The following PRDM2 variants were observed in gnomAD, a reference collection of about 807,000 sequenced individuals.
PRDM2 encodes the protein PR domain zinc finger protein 2.
PRDM2 carries 30 observed loss-of-function variants against 130.0 expected under a neutral mutation model. That is an observed-to-expected ratio of 0.23 (90% CI 0.17 to 0.31). PRDM2 has a LOEUF of 0.31. PRDM2 is among the 10% of genes least tolerant of loss of function. The pLI is 1.00. For synonymous variants in PRDM2, 871 were observed against 782.4 expected, an observed-to-expected ratio of 1.11 and a Z score of -1.89; for missense variants, 2,011 against 2,108.4, an observed-to-expected ratio of 0.95 and a Z score of 0.90.
chr1:13,787,062 T>C, intron 8 of PRDM2: 1 of 985,500 alleles, frequency 1.0e-6, no homozygotes, highest in Non-Finnish European at 1.2e-6. Context: ...TTTTTTTTGT[T>C]GTTTTCGTTT....
At chr1:13,749,309 C>T in intron 5 of PRDM2, 52 bp from the exon 6 acceptor site, 1 of 1,348,612 alleles carries the variant, frequency 7.4e-7, no homozygotes, top group Non-Finnish European at 9.8e-7. Context: ...CCCGCCCCCG[C>T]CAACAACCGC....
chr1:13,786,414 A>T, intron 8 of PRDM2: 4 of 1,493,042 alleles, frequency 2.7e-6, no homozygotes, highest in Non-Finnish European at 3.7e-6. Context: ...TGTCGTCTTA[A>T]TAACATTTGT....
At chr1:13,706,003 AAATG>A (rs1478337135) in intron 1 of PRDM2, among the ~76,000 whole-genome samples, 1 of 151,644 alleles carries the variant, frequency 6.6e-6, no homozygotes, top group Non-Finnish European at 1.5e-5. Context: ...AAAAAAAAAA[AAATG>A]GAGCTCACCA....
intron 6 of PRDM2, among the ~76,000 whole-genome samples, chr1:13,757,326 A>G (rs538959833): frequency 1.3e-5 from 2 of 152,190 alleles, no homozygotes; most frequent in Admixed American, 6.5e-5. Context: ...TTTCTAATGA[A>G]TATTTTCTTT....
At chr1:13,787,157 C>T in intron 8 of PRDM2, 3 of 984,778 alleles carry the variant, frequency 3.0e-6, no homozygotes, top group Non-Finnish European at 3.6e-6. Context: ...TCTGGTGTTG[C>T]GTTTGTATAT....
chr1:13,741,679 C>T (rs1449032451), intron 4 of PRDM2, among the ~76,000 whole-genome samples: 8 of 142,284 alleles, frequency 5.6e-5, no homozygotes, highest in African/African-American at 2.2e-4. Flanking sequence ...ATTTGTAAAG[C>T]ATTTGGAGAT....
chr1:13,780,542 G>A lies in PRDM2; in HGVS notation c.2747G>A (p.Cys916Tyr), dbSNP rs147730570. 6.9e-5 allele frequency: 112 copies of A among 1,614,052 alleles called. No homozygotes were observed. The highest frequency in any genetic ancestry group is 3.6e-5 in the Non-Finnish European group (43 of 1,180,050). The change falls in exon 8 of 10, where the codon TGT becomes TAT. Residue 916 changes from cysteine to tyrosine, a missense_variant. By Grantham distance (194) the Cys-to-Tyr change is radical. Coordinates refer to ENST00000311066, the MANE Select transcript of PRDM2 (RefSeq NM_001393986.1). ...GATGGGACCAGGAGCCCAAGTCCTT[G>A]TAAATCCCTAGAAGCTCAGCCAGAT... ...PADGTRSPSP[C>Y]KSLEAQPDPD... is the part of the protein sequence containing the mutation.
intron 8 of PRDM2, chr1:13,786,378 C>T: frequency 5.8e-6 from 7 of 1,213,694 alleles, no homozygotes; most frequent in Non-Finnish European, 8.1e-6. Flanking sequence ...ACGCTCGTTC[C>T]TAAATGCCTT....
intron 6 of PRDM2, among the ~76,000 whole-genome samples, chr1:13,766,302 ACT>A (rs1260501490): frequency 4.6e-5 from 7 of 152,132 alleles, no homozygotes; most frequent in Admixed American, 1.3e-4. Flanking sequence ...GAAGAGGAAG[ACT>A]CTGCAAAAGG....
intron 9 of PRDM2, among the ~76,000 whole-genome samples, chr1:13,822,295 T>C (rs2744685): frequency 0.76 from 115,069 of 152,136 alleles, 43,691 homozygotes; most frequent in Middle Eastern, 0.83. Flanking sequence ...TAGACACATA[T>C]GAGAATGTTC....
chr1:13,719,355 A>G (rs576103728), intron 2 of PRDM2, among the ~76,000 whole-genome samples: 2 of 152,330 alleles, frequency 1.3e-5, no homozygotes, highest in East Asian at 1.9e-4. Flanking sequence ...AGAGCAAGCT[A>G]TGGTCTGGAG....
rs1311908791 is a variant in PRDM2, at chr1:13,779,791, A to T, written c.1996A>T (p.Ser666Cys). The change falls in exon 8 of 10, where the codon AGT becomes TGT. Residue 666 changes from serine (S) to cysteine (C), a missense_variant. Transcript: ENST00000311066. This position sits in a 1 kb window ranked among gnomAD's most constrained non-coding sequence, Gnocchi z 4.9. ...SDPMVPSCSL[S>C]LPLSISTTEA... ...CCCCATGGTCCCCTCTTGCTCTTTA[A>T]GTCTTCCTCTTAGCATATCAACAAC... is the stretch of plus-strand genomic sequence containing the variant. The T allele has an allele frequency of 6.2e-6, 10 of 1,614,246 alleles. No individual in the cohort carries two copies. The South Asian group carries it at 9.9e-5, about 16-fold the overall frequency.
intron 9 of PRDM2, among the ~76,000 whole-genome samples, chr1:13,820,933 G>A (rs1485355269): frequency 6.6e-6 from 1 of 152,092 alleles, no homozygotes; most frequent in Non-Finnish European, 1.5e-5. Context: ...CCTGGCTCAT[G>A]GGCACGGGCA....
intron 7 of PRDM2, among the ~76,000 whole-genome samples, chr1:13,775,887 C>T (rs373398358): frequency 8.5e-5 from 13 of 152,146 alleles, no homozygotes; most frequent in Admixed American, 1.3e-4. Context: ...ACCCTGCAGC[C>T]GAATCTCCCA....
chr1:13,770,432 CTATT>C (rs1297606167), intron 6 of PRDM2: 5 of 377,410 alleles, frequency 1.3e-5, no homozygotes, highest in Non-Finnish European at 2.6e-5. Context: ...ATTTAATACT[CTATT>C]TACATGTAGA....
chr1:13,722,951 T>C, intron 2 of PRDM2: 1 of 445,024 alleles, frequency 2.2e-6, no homozygotes, highest in South Asian at 1.6e-5. Flanking sequence ...CTCGTCACTC[T>C]CCTGCCCAAA....
chr1:13,816,586 G>A lies in PRDM2; in HGVS notation c.*23+16G>A, dbSNP rs1483885242. ...TCCCTGACAGGTACGAGGCAGGATG[G>A]AACAGCTTCTGGCACTGTTTGGGTG... On this transcript the variant is annotated intron_variant, in intron 9 of 9. Coordinates refer to ENST00000311066, the MANE Select transcript of PRDM2 (RefSeq NM_001393986.1). 6.2e-7 allele frequency: 1 copy of A among 1,613,270 alleles called. No individual in the cohort carries two copies. The highest frequency in any genetic ancestry group is 1.7e-5 in the Admixed American group (1 of 59,996).
At chr1:13,717,935 T>C (rs565039836) in intron 2 of PRDM2, among the ~76,000 whole-genome samples, 1 of 152,314 alleles carries the variant, frequency 6.6e-6, no homozygotes, top group African/African-American at 2.4e-5. Context: ...TATATTTTCA[T>C]TACTAGAAGA....
At chr1:13,701,108 CG>C (rs1440813894) in intron 1 of PRDM2, among the ~76,000 whole-genome samples, 1 of 152,168 alleles carries the variant, frequency 6.6e-6, no homozygotes, top group Non-Finnish European at 1.5e-5. Flanking sequence ...CATAGTTAAC[CG>C]GGAAGTCCTG....
Sources: gnomAD v4.1 joint callset for allele counts (sites outside exome capture counted in the v4.1 genomes callset) on GRCh38, gnomAD v4.1.1 for gene constraint, Gnocchi (gnomAD v3.1) non-coding constraint, MANE v1.5 for transcripts, NCBI Gene and HGNC (gene_info 2026-07-23, HGNC 2026-07-21) for gene names.